The following PALM2AKAP2 variants were observed in gnomAD, a reference collection of about 807,000 sequenced individuals.
PALM2AKAP2 encodes the protein PALM2 and AKAP2 fusion.
Under a neutral mutation model 71.5 loss-of-function variants are expected in PALM2AKAP2, and 37 were observed. That is an observed-to-expected ratio of 0.52 (90% CI 0.40 to 0.68). The LOEUF is 0.68. PALM2AKAP2 is among the 30% of genes least tolerant of loss of function. The probability of loss-of-function intolerance (pLI) is 0.00; values close to 1 mark genes in which losing one functional copy is unlikely to be tolerated. For synonymous variants in PALM2AKAP2, 468 were observed against 478.8 expected (o/e 0.98, Z 0.29); for missense variants, 1,224 against 1,191.8 (o/e 1.03, Z -0.40).
intron 6 of PALM2AKAP2, among the ~76,000 whole-genome samples, chr9:110,000,595 T>C (rs1832664859): frequency 6.6e-6 from 1 of 152,212 alleles, no homozygotes; most frequent in African/African-American, 2.4e-5. Context: ...CACACTGACT[T>C]CCACAATGGT....
intron 2 of PALM2AKAP2, 117 bp from the exon 9 acceptor site, chr9:110,156,202 C>G: frequency 7.3e-7 from 1 of 1,375,116 alleles, no homozygotes; most frequent in Non-Finnish European, 9.6e-7. Context: ...ACTTAACCAT[C>G]ATTCTGGTAC....
intron 1 of PALM2AKAP2, among the ~76,000 whole-genome samples, chr9:109,683,687 T>C (rs1253687766): frequency 6.6e-6 from 1 of 152,136 alleles, no homozygotes; most frequent in Non-Finnish European, 1.5e-5. Flanking sequence ...CTGGGCACTG[T>C]AGAGGCCACG....
intron 1 of PALM2AKAP2, among the ~76,000 whole-genome samples, chr9:109,763,003 A>T (rs1157653683): frequency 6.6e-6 from 1 of 152,186 alleles, no homozygotes; most frequent in East Asian, 1.9e-4. Context: ...GCACATGCCT[A>T]TGTGGACAGA....
chr9:110,162,125 C>T, intron 3 of PALM2AKAP2: 2 of 1,614,082 alleles, frequency 1.2e-6, no homozygotes, highest in Non-Finnish European at 1.7e-6. Flanking sequence ...TGCAAGGTGA[C>T]TTCCGAGGTA....
rs116149578 is a variant in PALM2AKAP2, at chr9:109,681,993, C to T, written c.5+41127C>T. Reference sequence around the variant, plus strand: ...AACCCAATAATGCTAACCTGAAGCCCTGCTTTGCTGTTGGATTCAGTGGTT... The same window carrying T: ...AACCCAATAATGCTAACCTGAAGCCTTGCTTTGCTGTTGGATTCAGTGGTT... On this transcript the variant is annotated intron_variant, in intron 1 of 6. Coordinates refer to the PALM2AKAP2 transcript ENST00000374531. 7.2e-3 allele frequency among the ~76,000 whole-genome samples: 1,104 copies of T among 152,278 alleles called. 15 individuals are homozygous for T. The highest frequency in any genetic ancestry group is 0.025 in the African/African-American group (1,056 of 41,552).
chr9:110,027,497 G>A (rs1833201163), intron 7 of PALM2AKAP2, among the ~76,000 whole-genome samples: 1 of 152,150 alleles, frequency 6.6e-6, no homozygotes, highest in Non-Finnish European at 1.5e-5. Flanking sequence ...ATTTTCCTCA[G>A]AATGAAGTCT....
chr9:109,724,157 T>G (rs1587883129), intron 1 of PALM2AKAP2, among the ~76,000 whole-genome samples: 1 of 152,106 alleles, frequency 6.6e-6, no homozygotes, highest in East Asian at 1.9e-4. Flanking sequence ...GCAATAAAAA[T>G]TTAAAACACC....
intron 7 of PALM2AKAP2, among the ~76,000 whole-genome samples, chr9:110,034,751 C>T (rs1487698326): frequency 6.6e-6 from 1 of 151,626 alleles, no homozygotes; most frequent in Non-Finnish European, 1.5e-5. Context: ...ATTACAGGTG[C>T]CCACCACCAT....
intron 1 of PALM2AKAP2, among the ~76,000 whole-genome samples, chr9:110,084,799 G>A (rs1370367966): frequency 1.3e-5 from 2 of 151,732 alleles, no homozygotes; most frequent in Non-Finnish European, 2.9e-5. Context: ...ACAGTGGCAC[G>A]ATCTCGGCTC....
intron 1 of PALM2AKAP2, among the ~76,000 whole-genome samples, chr9:110,101,444 G>A (rs1188963260): frequency 6.6e-6 from 1 of 152,022 alleles, no homozygotes; most frequent in Non-Finnish European, 1.5e-5. Flanking sequence ...ATAGAGGTTA[G>A]GGAAATATAT....
At chr9:109,843,301 CAAAAAAAAAAAAAA>C (rs35634219) in intron 1 of PALM2AKAP2, among the ~76,000 whole-genome samples, 6 of 66,960 alleles carry the variant, frequency 9.0e-5, no homozygotes, top group African/African-American at 4.2e-4. Context: ...GCCCCTGTCT[CAAAAAAAAAAAAAA>C]AAAAAAAAAG....
intron 6 of PALM2AKAP2, among the ~76,000 whole-genome samples, chr9:109,997,886 C>G (rs971162553): frequency 4.7e-4 from 72 of 152,240 alleles, no homozygotes; most frequent in African/African-American, 1.6e-3. Context: ...TCAGCTTATC[C>G]TGGGGTGGGG....
chr9:109,930,768 G>A (rs559589018), intron 5 of PALM2AKAP2, among the ~76,000 whole-genome samples: 2 of 152,296 alleles, frequency 1.3e-5, no homozygotes, highest in East Asian at 1.9e-4. Flanking sequence ...TGAGAAATGC[G>A]GAGGATTTTG....
At chr9:109,980,616 T>C (rs1340460863) in intron 6 of PALM2AKAP2, among the ~76,000 whole-genome samples, 4 of 152,158 alleles carry the variant, frequency 2.6e-5, no homozygotes, top group Admixed American at 6.5e-5. Context: ...TAATGCAGGC[T>C]CATAGGTCTC....
intron 1 of PALM2AKAP2, among the ~76,000 whole-genome samples, chr9:109,690,799 G>A (rs1012891210): frequency 2.6e-5 from 4 of 152,074 alleles, no homozygotes; most frequent in Non-Finnish European, 5.9e-5. Context: ...ATTAAGTTCG[G>A]ATCACATCCT....
intron 1 of PALM2AKAP2, among the ~76,000 whole-genome samples, chr9:110,063,074 A>G (rs141672572): frequency 6.6e-6 from 1 of 152,274 alleles, no homozygotes; most frequent in African/African-American, 2.4e-5. Flanking sequence ...CTTATGTAAA[A>G]TGCAGATTCT....
At chr9:109,942,161 AT>A (rs1831385654) in intron 6 of PALM2AKAP2, among the ~76,000 whole-genome samples, 1 of 152,200 alleles carries the variant, frequency 6.6e-6, no homozygotes, top group South Asian at 2.1e-4. Flanking sequence ...TGCTTTTTCA[AT>A]TGTTGAAAAT....
intron 1 of PALM2AKAP2, among the ~76,000 whole-genome samples, chr9:109,664,099 G>A (rs563091916): frequency 4.3e-4 from 65 of 152,204 alleles, no homozygotes; most frequent in African/African-American, 1.5e-3. Flanking sequence ...CGTGAGATGG[G>A]TGTCCTGAAT....
Position 109,763,353 on chromosome 9 carries a change from C to A in PALM2AKAP2, c.6-17135C>A, listed in dbSNP as rs2118741810. On this transcript the variant is annotated intron_variant, in intron 1 of 6. Transcript: ENST00000374531. The stretch of plus-strand genomic sequence containing the variant: ...GAGCTGAGACCACGGGCTATACTAC[C>A]AGACTGTCGGTAGGTAAGACCCTGC... Among the ~76,000 whole-genome samples, 2 of 152,242 alleles carry A rather than the reference C, an allele frequency of 1.3e-5. 1 individual carries two copies. The highest frequency in any genetic ancestry group is 2.9e-5 in the Non-Finnish European group (2 of 68,022).
Sources: gnomAD v4.1 joint callset for allele counts (sites outside exome capture counted in the v4.1 genomes callset) on GRCh38, gnomAD v4.1.1 for gene constraint, MANE v1.5 for transcripts, NCBI Gene and HGNC (gene_info 2026-07-23, HGNC 2026-07-21) for gene names.